ITGA3: variants seen among roughly 807,000 people sequenced by gnomAD.
ITGA3 encodes integrin alpha-3.
In ITGA3, 70 loss-of-function variants were observed where a neutral mutation model predicts 131.1. The ratio of observed to expected loss-of-function variants is 0.53; its 90% CI spans 0.44 to 0.65. The LOEUF (loss-of-function observed/expected upper bound fraction) is 0.65. Ranked by LOEUF, ITGA3 falls within the 30% of genes least tolerant of loss-of-function variation. ITGA3 has a pLI of 0.00. For missense variants in ITGA3, 1,098 were observed against 1,388.6 expected (o/e 0.79, Z 3.33); for synonymous variants, 537 against 571.6 (o/e 0.94, Z 0.86).
chr17:50,064,931 G>A lies in ITGA3; in HGVS notation c.414+324G>A. Reference sequence around the variant, plus strand: ...CTGCAAGGAGGAGAAAGGGCAGAGAGGGCCCCAGGCAGCTCAGCGCTGGCT... The same window carrying A: ...CTGCAAGGAGGAGAAAGGGCAGAGAAGGCCCCAGGCAGCTCAGCGCTGGCT... On this transcript the variant is annotated intron_variant, in intron 3 of 25. Coordinates refer to ENST00000320031, the MANE Select transcript of ITGA3 (RefSeq NM_002204.4). This position sits in a 1 kb window ranked among gnomAD's most constrained non-coding sequence, Gnocchi z 4.4. 4.2e-6 allele frequency: 1 copy of A among 238,178 alleles called. No individual in the cohort carries two copies. Among genetic ancestry groups the A allele is most frequent in the Non-Finnish European group, 8.1e-6 (1 of 122,758 alleles). The allele number at this position is 238,178 out of a possible 1,614,324, so 14.8% of individuals were successfully genotyped here.
chr17:50,076,264 T>C, intron 12 of ITGA3, 62 bp from the exon 13 acceptor site: 7 of 1,560,380 alleles, frequency 4.5e-6, no homozygotes, highest in Non-Finnish European at 5.2e-6. Flanking sequence ...CAGGGTGGTG[T>C]GAGGATTCAG....
intron 4 of ITGA3, among the ~76,000 whole-genome samples, chr17:50,069,737 T>C (rs1908536136): frequency 1.3e-5 from 2 of 152,182 alleles, no homozygotes; most frequent in Non-Finnish European, 1.5e-5. Context: ...TTCATGTTGA[T>C]ATATATAGGA....
Position 50,076,179 on chromosome 17 carries a change from G to A in ITGA3, c.1675-147G>A, listed in dbSNP as rs1908879736. 5 of 836,360 alleles carry A rather than the reference G, an allele frequency of 6.0e-6. No individual in the cohort carries two copies. In the East Asian group the frequency reaches 1.1e-4, roughly 18 times the overall value. 51.8% of individuals were successfully genotyped at this position (836,360 alleles called of 1,614,324 possible). On this transcript the variant is annotated intron_variant, in intron 12 of 25. Coordinates refer to ENST00000320031, the MANE Select transcript of ITGA3 (RefSeq NM_002204.4). The stretch of plus-strand genomic sequence containing the variant: ...GGATAGTAGGAAGTCGCAATTTGGC[G>A]ACCGGACTGGAGGGAGTTCAGCCTA...
In ITGA3 at chr17:50,077,365, C is replaced by T; in HGVS notation, c.2071-14C>T. On this transcript the variant is annotated splice_polypyrimidine_tract_variant and intron_variant, in intron 15 of 25. Transcript: ENST00000320031. ...TTTGACCCGACCCTGACCTTATTCG[C>T]CTTCTTTCCTCAGCCCGGGGCCTGC... 6.2e-7 allele frequency: 1 copy of T among 1,612,768 alleles called. No homozygotes were observed. Among genetic ancestry groups the T allele is most frequent in the Non-Finnish European group, 8.5e-7 (1 of 1,178,824 alleles).
rs1402499867 is a variant in ITGA3, at chr17:50,064,234, G to T, written c.334+30G>T. 1.3e-6 allele frequency: 2 copies of T among 1,590,302 alleles called. No homozygotes were observed. Among genetic ancestry groups the T allele is most frequent in the Non-Finnish European group, 1.7e-6 (2 of 1,169,892 alleles). On this transcript the variant is annotated intron_variant, in intron 2 of 25. Transcript: ENST00000320031. This position sits in a 1 kb window ranked among gnomAD's most constrained non-coding sequence, Gnocchi z 4.4. The stretch of plus-strand genomic sequence containing the variant: ...GGGGAAGGGGCTGGGGAGGGGTGCT[G>T]GGTCAGAGGTCTGGCAGGGGGGTAC...
At chr17:50,067,933 G>A in intron 3 of ITGA3, 123 bp from the exon 4 acceptor site, 1 of 1,295,934 alleles carries the variant, frequency 7.7e-7, no homozygotes, top group Non-Finnish European at 1.1e-6. Flanking sequence ...ACTGGGAGAA[G>A]GAGAAGCCAG....
intron 15 of ITGA3, 90 bp from the exon 16 acceptor site, chr17:50,077,289 A>G (rs879534179): frequency 1.5e-6 from 2 of 1,365,002 alleles, no homozygotes; most frequent in Admixed American, 1.8e-5. Context: ...CCGGCTCTCA[A>G]GCTCTAGGGC....
chr17:50,057,934 C>T (rs912511137), intron 1 of ITGA3, among the ~76,000 whole-genome samples: 8 of 152,256 alleles, frequency 5.3e-5, no homozygotes, highest in African/African-American at 1.7e-4. Flanking sequence ...CCCTTCCCAG[C>T]CTGGCCCCAG....
chr17:50,057,866 A>G (rs1291966628), intron 1 of ITGA3, among the ~76,000 whole-genome samples: 1 of 152,156 alleles, frequency 6.6e-6, no homozygotes, highest in Admixed American at 6.5e-5. Context: ...GACCCAGCCT[A>G]CCTACCTGGA....
rs1370436259 is a variant in ITGA3 at position 50,087,735 on chromosome 17, C to T, written c.2920-9C>T. The T allele has an allele frequency of 6.2e-7, 1 of 1,611,066 alleles. No individual in the cohort carries two copies. On this transcript the variant is annotated splice_polypyrimidine_tract_variant and intron_variant, in intron 23 of 25. Coordinates refer to ENST00000320031, the MANE Select transcript of ITGA3 (RefSeq NM_002204.4). Reference sequence around the variant, plus strand: ...GACACAGGGCTGAGTCCTCCTCTCCCCGCTCCAGTTCTCTGTGGACATTGA... The same window carrying T: ...GACACAGGGCTGAGTCCTCCTCTCCTCGCTCCAGTTCTCTGTGGACATTGA...
Position 50,077,135 on chromosome 17 carries a change from G to T in ITGA3, c.2070+14G>T, listed in dbSNP as rs752725052. 6.5e-7 allele frequency: 1 copy of T among 1,528,666 alleles called. No individual in the cohort carries two copies. The highest frequency in any genetic ancestry group is 8.8e-7 in the Non-Finnish European group (1 of 1,130,950). 94.7% of individuals were successfully genotyped at this position (1,528,666 alleles called of 1,614,324 possible). On this transcript the variant is annotated intron_variant, in intron 15 of 25. Transcript: ENST00000320031. Reference sequence around the variant, plus strand: ...TCAGTGCGCCCCGTGAGTGCCCGCCGGCCGGCTCAGAGCCCAAGCAGGGCT... The same window carrying T: ...TCAGTGCGCCCCGTGAGTGCCCGCCTGCCGGCTCAGAGCCCAAGCAGGGCT...
intron 13 of ITGA3, 43 bp from the exon 14 acceptor site, chr17:50,076,541 T>TG (rs3216895): frequency 0.024 from 38,441 of 1,584,762 alleles, 374 homozygotes; most frequent in Non-Finnish European, 0.028. Flanking sequence ...GAGAGGGCAC[T>TG]GGGGGGGGTG....
At chr17:50,085,929 T>C (rs1231978592) in intron 23 of ITGA3, among the ~76,000 whole-genome samples, 2 of 106,318 alleles carry the variant, frequency 1.9e-5, no homozygotes, top group African/African-American at 6.8e-5. Context: ...ATATATTAGA[T>C]TATACATATT....
intron 12 of ITGA3, 103 bp from the exon 13 acceptor site, chr17:50,076,223 T>G: frequency 8.1e-7 from 1 of 1,227,856 alleles, no homozygotes. Context: ...GTTTTCAGGG[T>G]GGGGGGCGGG....
chr17:50,088,067 GGGGACCCAGGA>G, intron 24 of ITGA3, 147 bp from the exon 25 acceptor site: 3 of 1,235,792 alleles, frequency 2.4e-6, no homozygotes, highest in Non-Finnish European at 3.3e-6. Context: ...AGCTGGAAAG[GGGGACCCAGGA>G]GCTCTGGCTT....
At chr17:50,077,292 T>C in intron 15 of ITGA3, 87 bp from the exon 16 acceptor site, 1 of 1,371,322 alleles carries the variant, frequency 7.3e-7, no homozygotes, top group South Asian at 1.2e-5. Context: ...GCTCTCAAGC[T>C]CTAGGGCTTC....
chr17:50,080,486 G>A, intron 22 of ITGA3, 111 bp downstream of exon 22: 1 of 599,378 alleles, frequency 1.7e-6, no homozygotes, highest in East Asian at 2.9e-5. Flanking sequence ...GTGTGTGTGT[G>A]TGTGTGTGTG....
rs368333756 is a variant in ITGA3, at chr17:50,085,741, C to T, written c.2920-2003C>T. The stretch of plus-strand genomic sequence containing the variant: ...GATTTATAATATATATTAGATTATA[C>T]ATTATAGATTTATAATATATATTAG... On this transcript the variant is annotated intron_variant, in intron 23 of 25. Transcript: ENST00000320031. Among the ~76,000 whole-genome samples the T allele has an allele frequency of 4.3e-4, 22 of 51,036 alleles. No individual in the cohort carries two copies. The East Asian group carries it at 5.9e-3, about 14-fold the overall frequency. The allele number at this position is 51,036 out of a possible 152,430, so 33.5% of individuals were successfully genotyped here.
intron 1 of ITGA3, among the ~76,000 whole-genome samples, chr17:50,059,017 C>T (rs1048115299): frequency 2.0e-5 from 3 of 152,196 alleles, no homozygotes; most frequent in Non-Finnish European, 4.4e-5. Context: ...TCTTGTTCTC[C>T]ATTCATAAGG....
Sources: gnomAD v4.1 joint callset for allele counts (sites outside exome capture counted in the v4.1 genomes callset) on GRCh38, gnomAD v4.1.1 for gene constraint, Gnocchi (gnomAD v3.1) non-coding constraint, MANE v1.5 for transcripts, NCBI Gene and HGNC (gene_info 2026-07-23, HGNC 2026-07-21) for gene names.